Variants in CFI observed in about 807,000 individuals in gnomAD.
CFI encodes the protein complement factor I.
CFI carries 66 observed loss-of-function variants against 78.8 expected under a neutral mutation model. The ratio of observed to expected loss-of-function variants is 0.84; its 90% CI spans 0.69 to 1.03. The LOEUF (loss-of-function observed/expected upper bound fraction) is 1.03, where lower values mean the gene tolerates loss of function less well. Ranked by LOEUF, CFI falls within the 50% of genes least tolerant of loss-of-function variation. The pLI, the probability that CFI is intolerant of heterozygous loss-of-function variation, is 0.00. For missense variants in CFI, 706 were observed against 704.5 expected (o/e 1.00, Z -0.02); for synonymous variants, 250 against 232.6 (o/e 1.07, Z -0.68).
Position 109,766,552 on chromosome 4 carries a change from A to G in CFI, c.328+2T>C. The G allele has an allele frequency of 2.5e-6, 4 of 1,614,128 alleles. No individual in the cohort carries two copies. The highest frequency in any genetic ancestry group is 3.4e-6 in the Non-Finnish European group (4 of 1,179,970). ...ATGACTTGAAAACTAGTCTCTTGCT[A>G]CCTTCGGCTGTGCATGTTCCGTTAT... On this transcript the variant is annotated splice_donor_variant, in intron 2 of 12. Transcript: ENST00000394634. LOFTEE classifies it high-confidence loss of function.
At chr4:109,735,520 C>T in the CFI span, among the ~76,000 whole-genome samples, 2 of 152,080 alleles carry the variant, frequency 1.3e-5, no homozygotes. Context: ...TGATAAACAG[C>T]AATTTCTATT....
intron 1 of CFI, among the ~76,000 whole-genome samples, chr4:109,796,653 G>C (rs1560570317): frequency 6.6e-6 from 1 of 152,144 alleles, no homozygotes; most frequent in South Asian, 2.1e-4. Flanking sequence ...AATAAAATTA[G>C]TTGGCATGGT....
rs200681618 is a variant in CFI, at chr4:109,766,859, A to G, written c.58-35T>C. 5 of 1,609,316 alleles carry G rather than the reference A, an allele frequency of 3.1e-6. No individual in the cohort carries two copies. In the African/African-American group the frequency reaches 5.3e-5, roughly 17 times the overall value. On this transcript the variant is annotated intron_variant, in intron 1 of 12. Coordinates refer to ENST00000394634, the MANE Select transcript of CFI (RefSeq NM_000204.5). ...GCAAAATAAACATTAACTTAGCAAC[A>G]AATTAAAGACTCCTGTTTGAAGATG...
chr4:109,761,600 C>G lies in CFI; in HGVS notation c.575G>C (p.Ser192Thr). ...CTTAGTAAAAGTACATTCAGCCAAACTGGTCTCTAATCCTCGGCAATGCAC... is the reference window on the plus strand; with the variant it reads ...CTTAGTAAAAGTACATTCAGCCAAAGTGGTCTCTAATCCTCGGCAATGCAC... ...LHVHCRGLET[S>T]LAECTFTKRR... The change falls in exon 4 of 13, where the codon AGT becomes ACT. Residue 192 changes from serine to threonine, a missense_variant. Ser to Thr is a moderately conservative substitution (Grantham distance 58, BLOSUM62 1). Transcript: ENST00000394634. The G allele has an allele frequency of 6.2e-7, 1 of 1,614,016 alleles. No homozygotes were observed. Among genetic ancestry groups the G allele is most frequent in the Middle Eastern group, 1.6e-4 (1 of 6,062 alleles).
intron 1 of CFI, among the ~76,000 whole-genome samples, chr4:109,790,322 C>T (rs1030268088): frequency 6.6e-5 from 10 of 151,892 alleles, no homozygotes; most frequent in African/African-American, 2.4e-4. Context: ...AATCTTTATT[C>T]TATTTTTTCT....
chr4:109,785,470 G>C (rs1177769280), intron 1 of CFI, among the ~76,000 whole-genome samples: 1 of 151,656 alleles, frequency 6.6e-6, no homozygotes, highest in African/African-American at 2.4e-5. Flanking sequence ...ACATATATTA[G>C]GAGCACATAT....
At chr4:109,742,422 G>T in intron 12 of CFI, 69 bp downstream of exon 12, 1 of 1,026,616 alleles carries the variant, frequency 9.7e-7, no homozygotes, top group Non-Finnish European at 1.5e-6. Flanking sequence ...GGCTGATGTG[G>T]TGGGAGGAGA....
At chr4:109,731,148 C>T in the CFI span, among the ~76,000 whole-genome samples, 1 of 152,116 alleles carries the variant, frequency 6.6e-6, no homozygotes, top group Non-Finnish European at 1.5e-5. Flanking sequence ...AGTTCGAGAC[C>T]AGCCTGGCTG....
At chr4:109,791,835 C>T (rs1242819615) in intron 1 of CFI, among the ~76,000 whole-genome samples, 5 of 152,082 alleles carry the variant, frequency 3.3e-5, no homozygotes, top group East Asian at 3.9e-4. Flanking sequence ...TAACTGCTTT[C>T]GCTGCATATC....
At chr4:109,733,377 C>A in the CFI span, among the ~76,000 whole-genome samples, 2 of 152,224 alleles carry the variant, frequency 1.3e-5, no homozygotes, top group East Asian at 1.9e-4. Flanking sequence ...ATCTAACCAG[C>A]AAAACCTGTT....
chr4:109,801,548 T>C (rs921691015), intron 1 of CFI, among the ~76,000 whole-genome samples: 1 of 152,240 alleles, frequency 6.6e-6, no homozygotes, highest in Non-Finnish European at 1.5e-5. Flanking sequence ...CTATAGAGCG[T>C]ACTAAGAGGC....
At chr4:109,772,580 C>CT in intron 1 of CFI, among the ~76,000 whole-genome samples, 1 of 131,016 alleles carries the variant, frequency 7.6e-6, no homozygotes, top group African/African-American at 3.0e-5. Context: ...TGAATTTGAT[C>CT]GTTTTTTTTT....
At chr4:109,780,710 C>A (rs569513561) in intron 1 of CFI, among the ~76,000 whole-genome samples, 3 of 152,044 alleles carry the variant, frequency 2.0e-5, no homozygotes, top group Non-Finnish European at 4.4e-5. Flanking sequence ...ATGTTTATTG[C>A]GGCACTATTC....
At chr4:109,742,628 T>A in intron 11 of CFI, 33 bp from the exon 12 acceptor site, 4 of 1,361,482 alleles carry the variant, frequency 2.9e-6, no homozygotes, top group Non-Finnish European at 4.2e-6. Flanking sequence ...CATTTAGAAG[T>A]CACAAATGAG....
At chr4:109,772,580 C>A (rs145204726) in intron 1 of CFI, among the ~76,000 whole-genome samples, 50 of 131,016 alleles carry the variant, frequency 3.8e-4, no homozygotes, top group Non-Finnish European at 4.2e-4. Flanking sequence ...TGAATTTGAT[C>A]GTTTTTTTTT....
intron 11 of CFI, 92 bp from the exon 12 acceptor site, chr4:109,742,687 G>C: frequency 1.2e-6 from 1 of 823,892 alleles, no homozygotes; most frequent in East Asian, 2.5e-5. Context: ...ATTATGAAAG[G>C]GTGTATAGTT....
At chr4:109,776,403 G>A (rs923938341) in intron 1 of CFI, among the ~76,000 whole-genome samples, 17 of 152,284 alleles carry the variant, frequency 1.1e-4, no homozygotes, top group Non-Finnish European at 2.2e-4. Context: ...GAAATGAAGC[G>A]AGAAGAGACG....
chr4:109,793,244 T>TA, intron 1 of CFI, among the ~76,000 whole-genome samples: 1 of 152,360 alleles, frequency 6.6e-6, no homozygotes, highest in East Asian at 1.9e-4. Context: ...TCTGTTCCTA[T>TA]ACTGCTCCAT....
rs114847301 is a variant in CFI at position 109,800,094 on chromosome 4, G to A, written c.57+1821C>T. Among the ~76,000 whole-genome samples, 430 of 152,008 alleles carry A rather than the reference G, an allele frequency of 2.8e-3. 1 individual carries two copies. The highest frequency in any genetic ancestry group is 9.7e-3 in the African/African-American group (401 of 41,436). The stretch of plus-strand genomic sequence containing the variant: ...TGGATCTGCCTACTCTGCCATTTCC[G>A]CTGCCATCACTTGCACTGCACACCC... On this transcript the variant is annotated intron_variant, in intron 1 of 12. Coordinates refer to ENST00000394634, the MANE Select transcript of CFI (RefSeq NM_000204.5).
Sources: gnomAD v4.1 joint callset for allele counts (sites outside exome capture counted in the v4.1 genomes callset) on GRCh38, gnomAD v4.1.1 for gene constraint, MANE v1.5 for transcripts, NCBI Gene and HGNC (gene_info 2026-07-23, HGNC 2026-07-21) for gene names.